The following TENM3 variants were observed in gnomAD, a reference collection of about 807,000 sequenced individuals.
The protein encoded by TENM3 is teneurin transmembrane protein 3.
In TENM3, 63 loss-of-function variants were observed where a neutral mutation model predicts 255.1. That is an observed-to-expected ratio of 0.25 (90% CI 0.20 to 0.30). TENM3 has a LOEUF of 0.30. TENM3 is among the 10% of genes least tolerant of loss of function. TENM3 has a pLI of 1.00. For missense variants in TENM3, 2,929 were observed against 3,461.1 expected (o/e 0.85, Z 3.86); for synonymous variants, 1,306 against 1,322.3 (o/e 0.99, Z 0.27).
the TENM3 span, among the ~76,000 whole-genome samples, chr4:181,627,670 C>CT: frequency 6.6e-6 from 1 of 152,102 alleles, no homozygotes; most frequent in Non-Finnish European, 1.5e-5. Flanking sequence ...TGAAGTTATC[C>CT]TTTTTTATGG....
chr4:181,594,811 T>C, the TENM3 span, among the ~76,000 whole-genome samples: 1 of 152,212 alleles, frequency 6.6e-6, no homozygotes, highest in East Asian at 1.9e-4. Context: ...TCTTGCTTTC[T>C]TCCCCAACAC....
chr4:182,620,197 A>G (rs1215804848), intron 4 of TENM3, among the ~76,000 whole-genome samples: 1 of 152,214 alleles, frequency 6.6e-6, no homozygotes, highest in East Asian at 1.9e-4. Context: ...TTAGGTGATG[A>G]TAATTTCCTT....
At chr4:181,628,241 T>C in the TENM3 span, among the ~76,000 whole-genome samples, 1 of 152,332 alleles carries the variant, frequency 6.6e-6, no homozygotes, top group Non-Finnish European at 1.5e-5. Context: ...TAGCCCTTTG[T>C]CAGATGAGTA....
the TENM3 span, among the ~76,000 whole-genome samples, chr4:181,893,487 G>GCCCCCCC: frequency 1.3e-5 from 1 of 74,690 alleles, no homozygotes; most frequent in African/African-American, 4.1e-5. Context: ...ACTTTCCCCT[G>GCCCCCCC]CCCACCCCCC....
chr4:182,412,513 A>T (rs1300611544), intron 3 of TENM3, among the ~76,000 whole-genome samples: 1 of 152,190 alleles, frequency 6.6e-6, no homozygotes. Context: ...GATGAGTTTT[A>T]AAAAAGTATG....
chr4:182,015,922 A>G, the TENM3 span, among the ~76,000 whole-genome samples: 1 of 152,206 alleles, frequency 6.6e-6, no homozygotes, highest in Non-Finnish European at 1.5e-5. Context: ...TCATTAACTT[A>G]AAAACACAGG....
chr4:181,980,077 A>C, the TENM3 span: 1 of 152,372 alleles, frequency 6.6e-6, no homozygotes, highest in African/African-American at 2.4e-5. Flanking sequence ...TGCAGGCCCC[A>C]GATCTGTCTT....
chr4:181,480,664 A>G, the TENM3 span, among the ~76,000 whole-genome samples: 3 of 151,692 alleles, frequency 2.0e-5, no homozygotes, highest in African/African-American at 7.3e-5. Flanking sequence ...GTATATATGG[A>G]GATATGTAGT....
chr4:182,257,731 T>G (rs977314091), intron 1 of TENM3, among the ~76,000 whole-genome samples: 1 of 152,102 alleles, frequency 6.6e-6, no homozygotes, highest in African/African-American at 2.4e-5. Context: ...TTGAGATGGG[T>G]ATTACCACCC....
chr4:182,452,211 A>C (rs950448736), intron 3 of TENM3, among the ~76,000 whole-genome samples: 2 of 152,170 alleles, frequency 1.3e-5, no homozygotes, highest in Non-Finnish European at 1.5e-5. Context: ...GTTCTTCCTT[A>C]AGGATATTTG....
intron 1 of TENM3, among the ~76,000 whole-genome samples, chr4:182,310,147 T>C (rs1471622166): frequency 3.9e-5 from 6 of 152,198 alleles, no homozygotes; most frequent in South Asian, 4.1e-4. Flanking sequence ...TGTATTGATA[T>C]AGTTTTTTCA....
chr4:181,801,695 T>TATATATAC, the TENM3 span, among the ~76,000 whole-genome samples: 1 of 125,908 alleles, frequency 7.9e-6, no homozygotes, highest in Non-Finnish European at 1.7e-5. Flanking sequence ...TATATATATA[T>TATATATAC]ATGCAACAAT....
Position 182,768,818 on chromosome 4 carries a change from G to A in TENM3, c.4893-4654G>A, listed in dbSNP as rs548172308. On this transcript the variant is annotated intron_variant, in intron 22 of 27. Coordinates refer to ENST00000511685, the MANE Select transcript of TENM3 (RefSeq NM_001080477.4). ...AAGGGCATCTCATCAGTGGAAGAGC[G>A]GTAGGTCACGGAGAGCCTGAGGAAG... 5.3e-5 allele frequency among the ~76,000 whole-genome samples: 8 copies of A among 152,262 alleles called. No homozygotes were observed. The South Asian group carries it at 1.0e-3, about 20-fold the overall frequency.
the TENM3 span, among the ~76,000 whole-genome samples, chr4:181,733,279 T>A: frequency 6.6e-6 from 1 of 152,254 alleles, no homozygotes. Flanking sequence ...CATCTATTTA[T>A]GTTTAAAAGT....
intron 1 of TENM3, among the ~76,000 whole-genome samples, chr4:182,232,890 G>A (rs1756671237): frequency 6.6e-6 from 1 of 152,150 alleles, no homozygotes; most frequent in Non-Finnish European, 1.5e-5. Flanking sequence ...TGGCCCGATG[G>A]AGCAGGATAG....
At chr4:182,286,460 G>A (rs1760733514) in intron 1 of TENM3, among the ~76,000 whole-genome samples, 2 of 152,116 alleles carry the variant, frequency 1.3e-5, no homozygotes, top group Admixed American at 6.6e-5. Context: ...CACTTGAGAG[G>A]GAGAAAGTTC....
At chr4:182,227,724 TCATGCATCC>T (rs1012886236) in intron 1 of TENM3, among the ~76,000 whole-genome samples, 12 of 151,646 alleles carry the variant, frequency 7.9e-5, no homozygotes, top group African/African-American at 2.9e-4. Context: ...AAGATTCTAG[TCATGCATCC>T]AAACCACTCC....
At chr4:182,095,660 C>T in the TENM3 span, among the ~76,000 whole-genome samples, 2 of 152,022 alleles carry the variant, frequency 1.3e-5, no homozygotes, top group Non-Finnish European at 2.9e-5. Flanking sequence ...TTCAGTAGCA[C>T]AGTAGGATGA....
chr4:182,311,942 G>A (rs1279586757), intron 1 of TENM3, among the ~76,000 whole-genome samples: 3 of 152,130 alleles, frequency 2.0e-5, no homozygotes, highest in Non-Finnish European at 4.4e-5. Flanking sequence ...CTCTCATTAC[G>A]ACTAAAGGTT....
Sources: gnomAD v4.1 joint callset for allele counts (sites outside exome capture counted in the v4.1 genomes callset) on GRCh38, gnomAD v4.1.1 for gene constraint, MANE v1.5 for transcripts, NCBI Gene and HGNC (gene_info 2026-07-23, HGNC 2026-07-21) for gene names.